COBL: variants seen among roughly 807,000 people sequenced by gnomAD.
COBL encodes the protein protein cordon-bleu.
A neutral mutation model predicts 98.8 loss-of-function variants in COBL; 51 were observed. The observed-to-expected ratio is 0.52, with a 90% CI of 0.41 to 0.65. The LOEUF (loss-of-function observed/expected upper bound fraction) is 0.65, where lower values mean the gene tolerates loss of function less well. Ranked by LOEUF, COBL falls within the 30% of genes least tolerant of loss-of-function variation. The pLI is 0.00. For synonymous variants in COBL, 634 were observed against 651.7 expected (o/e 0.97, Z 0.41); for missense variants, 1,617 against 1,617.5 (o/e 1.00, Z 0.01).
chr7:51,138,806 G>A (rs115479599), intron 5 of COBL, among the ~76,000 whole-genome samples: 2,439 of 152,238 alleles, frequency 0.016, 69 homozygotes, highest in African/African-American at 0.055. Flanking sequence ...CCCATCTGAC[G>A]TCCCAGAAAC....
At chr7:51,213,003 G>A (rs114354820) in intron 2 of COBL, among the ~76,000 whole-genome samples, 2,214 of 152,302 alleles carry the variant, frequency 0.015, 35 homozygotes, top group African/African-American at 0.05. Context: ...TCACTTTAAA[G>A]TAGCTGTAGC....
At chr7:51,216,779 C>A (rs1426814734) in intron 2 of COBL, among the ~76,000 whole-genome samples, 3 of 152,160 alleles carry the variant, frequency 2.0e-5, no homozygotes, top group Non-Finnish European at 4.4e-5. Context: ...AGTTAAGGGG[C>A]TGACTATAAA....
intron 1 of COBL, among the ~76,000 whole-genome samples, chr7:51,260,455 T>C (rs778044928): frequency 1.3e-5 from 2 of 152,220 alleles, no homozygotes; most frequent in Non-Finnish European, 2.9e-5. Context: ...CAAATGAGGA[T>C]AACAGGATCC....
chr7:51,217,490 C>T (rs564536861), intron 2 of COBL, among the ~76,000 whole-genome samples: 61 of 151,712 alleles, frequency 4.0e-4, no homozygotes, highest in African/African-American at 1.4e-3. Flanking sequence ...TACAGGCATG[C>T]GCCACCACGC....
At chr7:51,219,184 T>C (rs1370318962) in intron 2 of COBL, among the ~76,000 whole-genome samples, 2 of 151,984 alleles carry the variant, frequency 1.3e-5, no homozygotes, top group Non-Finnish European at 2.9e-5. Context: ...CTGAGAAGAG[T>C]GCATGTGGGA....
chr7:51,175,052 C>T (rs973687564), intron 5 of COBL, among the ~76,000 whole-genome samples: 3 of 152,216 alleles, frequency 2.0e-5, no homozygotes, highest in Non-Finnish European at 2.9e-5. Flanking sequence ...GAATCCGGAC[C>T]ACCCTATGAT....
chr7:51,126,122 G>A (rs552312614), intron 6 of COBL, among the ~76,000 whole-genome samples: 1 of 152,286 alleles, frequency 6.6e-6, no homozygotes, highest in South Asian at 2.1e-4. Flanking sequence ...GAGGTCAGGA[G>A]TTCAAGACCA....
At chr7:51,088,255 T>G (rs549224907) in intron 6 of COBL, among the ~76,000 whole-genome samples, 1 of 152,192 alleles carries the variant, frequency 6.6e-6, no homozygotes. Flanking sequence ...TCTTTCTCTC[T>G]GGGATTTCAA....
Position 51,162,017 on chromosome 7 carries a change from C to T in COBL, c.783+22085G>A, listed in dbSNP as rs1274669585. Reference sequence around the variant, plus strand: ...AGGTACCTTGTCTCATCCGTTAGCACAGTTTATCACTGCTGTTTGTGTGAC... The same window carrying T: ...AGGTACCTTGTCTCATCCGTTAGCATAGTTTATCACTGCTGTTTGTGTGAC... On this transcript the variant is annotated intron_variant, in intron 5 of 12. Coordinates refer to ENST00000265136, the MANE Select transcript of COBL (RefSeq NM_015198.5). Among the ~76,000 whole-genome samples the T allele has an allele frequency of 2.0e-5, 3 of 152,212 alleles. No individual in the cohort carries two copies. The East Asian group carries it at 5.8e-4, about 29-fold the overall frequency.
intron 6 of COBL, among the ~76,000 whole-genome samples, chr7:51,105,867 G>A (rs1052025492): frequency 6.6e-6 from 1 of 152,042 alleles, no homozygotes; most frequent in Non-Finnish European, 1.5e-5. Flanking sequence ...ATTTCAGGAG[G>A]AGTGAAGGAA....
chr7:51,255,552 G>A (rs1797123196), intron 1 of COBL, among the ~76,000 whole-genome samples: 1 of 152,174 alleles, frequency 6.6e-6, no homozygotes. Flanking sequence ...ATGCTCAGAA[G>A]TTTGGCCAGG....
In COBL at chr7:51,028,172, C is replaced by T; in HGVS notation, c.2924G>A (p.Cys975Tyr). ...DRPAAIHRSS[C>Y]FSLVQSSQRD... is the part of the protein sequence containing the mutation. ...CTGGGAAGACTGAACCAGTGAGAAA[C>T]AGGAGCTTCTGTGGATAGCAGCAGG... The change falls in exon 10 of 13, where the codon TGT (cysteine) becomes TAT (tyrosine). Residue 975 changes from cysteine to tyrosine, a missense_variant. Cys to Tyr is a radical substitution (Grantham distance 194). Coordinates refer to ENST00000265136, the MANE Select transcript of COBL (RefSeq NM_015198.5). 6.2e-7 allele frequency: 1 copy of T among 1,614,254 alleles called. No homozygotes were observed. Among genetic ancestry groups the T allele is most frequent in the South Asian group, 1.1e-5 (1 of 91,084 alleles).
intron 1 of COBL, among the ~76,000 whole-genome samples, chr7:51,251,842 A>G (rs139345534): frequency 2.6e-4 from 39 of 152,284 alleles, no homozygotes; most frequent in African/African-American, 8.9e-4. Context: ...TTCCCTTTCT[A>G]TGCATACTTG....
At chr7:51,090,126 G>A (rs1794671294) in intron 6 of COBL, among the ~76,000 whole-genome samples, 1 of 152,094 alleles carries the variant, frequency 6.6e-6, no homozygotes, top group South Asian at 2.1e-4. Flanking sequence ...ATAAAATTCA[G>A]TGAAGAGACA....
intron 7 of COBL, among the ~76,000 whole-genome samples, chr7:51,070,392 A>AACACACACACACACACAC (rs369051694): frequency 0.098 from 13,534 of 138,660 alleles, 746 homozygotes; most frequent in East Asian, 0.19. Flanking sequence ...AAACAGTTAA[A>AACACACACACACACACAC]ACACACACAC....
intron 5 of COBL, among the ~76,000 whole-genome samples, chr7:51,161,194 G>A (rs191244887): frequency 6.6e-6 from 1 of 152,196 alleles, no homozygotes; most frequent in East Asian, 1.9e-4. Flanking sequence ...GGGATTTGCT[G>A]TGTGTGTGAC....
At chr7:51,281,220 T>C (rs73330635) in intron 1 of COBL, among the ~76,000 whole-genome samples, 21,758 of 152,104 alleles carry the variant, frequency 0.14, 1,742 homozygotes, top group East Asian at 0.3. Flanking sequence ...TGACTTTGCA[T>C]ACAGGTCAAC....
At chr7:51,245,409 C>T (rs1172467398) in intron 1 of COBL, among the ~76,000 whole-genome samples, 3 of 152,154 alleles carry the variant, frequency 2.0e-5, no homozygotes, top group African/African-American at 7.2e-5. Flanking sequence ...TCCAATTCTG[C>T]GGTACTAAAC....
chr7:51,245,547 A>G (rs1404428133), intron 1 of COBL, among the ~76,000 whole-genome samples: 1 of 152,236 alleles, frequency 6.6e-6, no homozygotes, highest in Non-Finnish European at 1.5e-5. Flanking sequence ...TATCTGTCCA[A>G]TGAATGAATT....
Sources: allele counts gnomAD v4.1 joint callset (sites outside exome capture counted in the v4.1 genomes callset), GRCh38; gene constraint gnomAD v4.1.1; transcripts MANE v1.5; gene names NCBI Gene and HGNC (gene_info 2026-07-23, HGNC 2026-07-21).